Variants in SAMD3 observed in about 807,000 individuals in gnomAD.
SAMD3 encodes sterile alpha motif domain-containing protein 3.
A neutral mutation model predicts 58.5 loss-of-function variants in SAMD3; 63 were observed. That is an observed-to-expected ratio of 1.08 (90% confidence interval 0.88 to 1.33). The LOEUF is 1.33. Ranked by LOEUF, SAMD3 falls within the 40% of genes most tolerant of loss-of-function variation. The pLI, the probability that SAMD3 is intolerant of heterozygous loss-of-function variation, is 0.00. For synonymous variants in SAMD3, 220 were observed against 210.3 expected (o/e 1.05, Z -0.40); for missense variants, 604 against 608.4 (o/e 0.99, Z 0.08).
intron 8 of SAMD3, among the ~76,000 whole-genome samples, chr6:130,155,706 A>G (rs1428230784): frequency 1.3e-5 from 2 of 152,186 alleles, no homozygotes; most frequent in African/African-American, 4.8e-5. Context: ...TGTCTAGCTG[A>G]CCAGAATGTG....
chr6:130,337,503 C>T (rs1777136607), intron 1 of SAMD3, among the ~76,000 whole-genome samples: 1 of 152,152 alleles, frequency 6.6e-6, no homozygotes, highest in Non-Finnish European at 1.5e-5. Flanking sequence ...TACCCCCTGC[C>T]TTTGGGTATA....
intron 1 of SAMD3, among the ~76,000 whole-genome samples, chr6:130,316,240 G>A (rs1021639942): frequency 3.5e-5 from 5 of 144,614 alleles, no homozygotes; most frequent in African/African-American, 1.0e-4. Flanking sequence ...GCAGTGAGCC[G>A]AGATCATGGC....
At chr6:130,237,006 C>T (rs1186499249) in intron 2 of SAMD3, among the ~76,000 whole-genome samples, 2 of 151,984 alleles carry the variant, frequency 1.3e-5, no homozygotes, top group African/African-American at 4.8e-5. Context: ...AATATAAAAC[C>T]AACTCAAACT....
At chr6:130,280,223 A>G (rs1774933131) in intron 2 of SAMD3, among the ~76,000 whole-genome samples, 1 of 152,216 alleles carries the variant, frequency 6.6e-6, no homozygotes, top group Admixed American at 6.5e-5. Context: ...TGCAGCTTAT[A>G]ACCAGCCTCC....
At chr6:130,152,769 A>G (rs1240287590) in intron 9 of SAMD3, among the ~76,000 whole-genome samples, 2 of 152,214 alleles carry the variant, frequency 1.3e-5, no homozygotes, top group Non-Finnish European at 1.5e-5. Flanking sequence ...TATTTTGGAT[A>G]TAAAGGGTGA....
intron 1 of SAMD3, among the ~76,000 whole-genome samples, chr6:130,341,861 C>T (rs1322612273): frequency 5.3e-5 from 8 of 152,194 alleles, no homozygotes; most frequent in Admixed American, 5.2e-4. Flanking sequence ...TGTTTTCCAC[C>T]TCTAAACACC....
intron 8 of SAMD3, among the ~76,000 whole-genome samples, chr6:130,155,267 A>G (rs542223764): frequency 3.9e-5 from 6 of 152,342 alleles, no homozygotes; most frequent in Non-Finnish European, 5.9e-5. Context: ...TTTAATTCCT[A>G]CGTTATCCTT....
At chr6:130,302,726 A>C (rs899913939) in intron 2 of SAMD3, among the ~76,000 whole-genome samples, 22 of 152,336 alleles carry the variant, frequency 1.4e-4, no homozygotes, top group Non-Finnish European at 2.6e-4. Context: ...GTACATATGC[A>C]CCATGGAATA....
intron 4 of SAMD3, among the ~76,000 whole-genome samples, 156 bp from the exon 5 acceptor site, chr6:130,209,764 A>G (rs1027378917): frequency 6.6e-6 from 1 of 152,246 alleles, no homozygotes; most frequent in African/African-American, 2.4e-5. Context: ...AATGGAAAGA[A>G]GGCCCCTCTG....
chr6:130,184,400 C>G, intron 6 of SAMD3, 38 bp downstream of exon 6: 1 of 1,593,536 alleles, frequency 6.3e-7, no homozygotes, highest in Non-Finnish European at 8.6e-7. Flanking sequence ...GAAACAGACC[C>G]TTTCCCAAAG....
chr6:130,357,210 C>A (rs1018554742), intron 1 of SAMD3, among the ~76,000 whole-genome samples: 1 of 149,846 alleles, frequency 6.7e-6, no homozygotes, highest in East Asian at 2.0e-4. Context: ...CTGCAAGCTC[C>A]GCCTCCCGGG....
intron 2 of SAMD3, 110 bp from the exon 3 acceptor site, chr6:130,215,404 G>T: frequency 8.2e-7 from 1 of 1,221,414 alleles, no homozygotes; most frequent in Non-Finnish European, 1.1e-6. Context: ...TCTTCTCAAT[G>T]TTAAGCTTTT....
intron 2 of SAMD3, among the ~76,000 whole-genome samples, chr6:130,303,016 C>A (rs1219872964): frequency 5.3e-5 from 8 of 152,154 alleles, no homozygotes; most frequent in Admixed American, 1.3e-4. Flanking sequence ...CAGCATTATG[C>A]AATACACCCA....
intron 8 of SAMD3, among the ~76,000 whole-genome samples, chr6:130,166,755 GCTAA>G (rs1395348545): frequency 6.6e-6 from 1 of 152,126 alleles, no homozygotes; most frequent in African/African-American, 2.4e-5. Context: ...AATGCAAAAG[GCTAA>G]CACACATATG....
chr6:130,280,501 C>T (rs1326348943), intron 2 of SAMD3, among the ~76,000 whole-genome samples: 1 of 152,162 alleles, frequency 6.6e-6, no homozygotes. Context: ...GAAAATATCA[C>T]CTTTAGACAG....
chr6:130,281,585 T>A (rs1227616458), intron 2 of SAMD3, among the ~76,000 whole-genome samples: 1 of 152,050 alleles, frequency 6.6e-6, no homozygotes. Flanking sequence ...GAGCTTTCAA[T>A]GGCCTTTAGG....
chr6:130,178,680 C>T (rs954313349), intron 7 of SAMD3, among the ~76,000 whole-genome samples: 3 of 152,230 alleles, frequency 2.0e-5, no homozygotes, highest in African/African-American at 7.2e-5. Flanking sequence ...CAAGTAACCC[C>T]TCTTAATTTT....
At chr6:130,236,941 T>G (rs929956450) in intron 2 of SAMD3, among the ~76,000 whole-genome samples, 9 of 152,214 alleles carry the variant, frequency 5.9e-5, no homozygotes, top group Non-Finnish European at 1.3e-4. Context: ...ATTCAGCCAT[T>G]TGCATTTCAT....
Position 130,281,826 on chromosome 6 carries a change from T to A in SAMD3, c.-188+31152A>T, listed in dbSNP as rs569483231. Among the ~76,000 whole-genome samples the A allele has an allele frequency of 2.6e-5, 4 of 152,042 alleles. No homozygotes were observed. In the South Asian group the frequency reaches 6.2e-4, roughly 24 times the overall value. ...TACTTAGGAGGCTGAGGCGGGAGAA[T>A]CACTTGAAGTCAGGAGGTGGAGGTT... On this transcript the variant is annotated intron_variant, in intron 2 of 13. Transcript: ENST00000368134.
Sources: gnomAD v4.1 joint callset for allele counts (sites outside exome capture counted in the v4.1 genomes callset) on GRCh38, gnomAD v4.1.1 for gene constraint, MANE v1.5 for transcripts, NCBI Gene and HGNC (gene_info 2026-07-23, HGNC 2026-07-21) for gene names.